Variants in NPM1 observed in about 807,000 individuals in gnomAD.
NPM1 encodes nucleophosmin 1, also known as nucleophosmin.
In NPM1, 1 loss-of-function variant was observed where a neutral mutation model predicts 44.1. That is an observed-to-expected ratio of 0.02 (90% CI 0.01 to 0.11). The LOEUF (loss-of-function observed/expected upper bound fraction) is 0.11, where lower values mean the gene tolerates loss of function less well. Among genes scored for constraint, NPM1 ranks in the 10% least tolerant of loss-of-function variants. NPM1 has a pLI of 1.00. For missense variants in NPM1, 197 were observed against 347.8 expected, an observed-to-expected ratio of 0.57 and a Z score of 3.45; for synonymous variants, 126 against 111.8, an observed-to-expected ratio of 1.13 and a Z score of -0.80.
chr5:171,405,487 T>G (rs1325981690), intron 9 of NPM1, 84 bp downstream of exon 9: 1 of 704,586 alleles, frequency 1.4e-6, no homozygotes, highest in Non-Finnish European at 2.5e-6. Context: ...TGTTTCTTGT[T>G]TTTTTGTTTG....
At chr5:171,397,634 A>ATTCTTTT (rs147219757) in intron 6 of NPM1, among the ~76,000 whole-genome samples, 1 of 152,022 alleles carries the variant, frequency 6.6e-6, no homozygotes, top group African/African-American at 2.4e-5. Context: ...AGTTGTAAGA[A>ATTCTTTT]TTCTTTTTTC....
chr5:171,410,391 C>CA (rs1464304474), intron 10 of NPM1, 136 bp from the exon 11 acceptor site: 1 of 502,526 alleles, frequency 2.0e-6, no homozygotes, highest in African/African-American at 2.0e-5. Context: ...TTCTTGGAGT[C>CA]ATATCTTTAT....
rs947108245 is a variant in NPM1 at position 171,387,888 on chromosome 5, G to T, written c.-61G>T. On this transcript the variant is annotated 5_prime_UTR_variant, in exon 1 of 11. Transcript: ENST00000296930. ...ATTCCGTCCTGCGCGGTTGTTCTCT[G>T]GAGCAGCGTTCTTTTATCTCCGTCC... is the stretch of plus-strand genomic sequence containing the variant. The T allele has an allele frequency of 2.0e-6, 3 of 1,520,554 alleles. No homozygotes were observed. Among genetic ancestry groups the T allele is most frequent in the East Asian group, 2.3e-5 (1 of 44,400 alleles). The allele number at this position is 1,520,554 out of a possible 1,614,324, so 94.2% of individuals were successfully genotyped here.
upstream of NPM1, chr5:171,387,682 T>C (rs1022503431): frequency 8.2e-6 from 4 of 487,418 alleles, no homozygotes; most frequent in Admixed American, 1.2e-4. Flanking sequence ...GCGGAGTACC[T>C]GGAAGGAGGT....
At chr5:171,388,905 C>A (rs963522381) in intron 1 of NPM1, among the ~76,000 whole-genome samples, 1 of 152,184 alleles carries the variant, frequency 6.6e-6, no homozygotes, top group Non-Finnish European at 1.5e-5. Flanking sequence ...AAATCTAAAC[C>A]AAGACGCTTG....
chr5:171,403,652 T>A (rs1581254810), intron 8 of NPM1, among the ~76,000 whole-genome samples: 5 of 114,680 alleles, frequency 4.4e-5, no homozygotes, highest in East Asian at 2.7e-4. Context: ...CCCCCCCACC[T>A]CCCTCCCGGA....
In NPM1 at chr5:171,408,030, T is replaced by C. The variant is rs77227573; in HGVS notation, c.846+256T>C. ...GGTAAATTATTTCTTGGTTATTGAA[T>C]TCAGTTTTACTTTTTTGGTACTATG... On this transcript the variant is annotated intron_variant, in intron 10 of 10. Transcript: ENST00000296930. Among the ~76,000 whole-genome samples the C allele has an allele frequency of 1.7e-4, 26 of 152,336 alleles. No homozygotes were observed. The East Asian group carries it at 4.4e-3, about 26-fold the overall frequency.
intron 8 of NPM1, among the ~76,000 whole-genome samples, chr5:171,403,461 T>C (rs11490744): frequency 0.085 from 9,370 of 109,660 alleles, 634 homozygotes; most frequent in Middle Eastern, 0.19. Flanking sequence ...CCACCTTTCC[T>C]GCCTTTCTAT....
chr5:171,404,051 A>C (rs1581255713), intron 8 of NPM1, among the ~76,000 whole-genome samples: 3 of 42,696 alleles, frequency 7.0e-5, no homozygotes, highest in African/African-American at 1.1e-4. Context: ...GGCAACCCTC[A>C]CCTCCCGGAC....
chr5:171,391,676 G>A lies in NPM1; in HGVS notation c.259-30G>A, dbSNP rs1460212756. 5.7e-6 allele frequency: 8 copies of A among 1,404,202 alleles called. No individual in the cohort carries two copies. The African/African-American group carries it at 1.1e-4, about 20-fold the overall frequency. 87.0% of individuals were successfully genotyped at this position (1,404,202 alleles called of 1,614,324 possible). Reference sequence around the variant, plus strand: ...TGTTTATTGTTCATTTTCTTCACATGTTTAGTGATGAAAAATTTCTCCCTT... The same window carrying A: ...TGTTTATTGTTCATTTTCTTCACATATTTAGTGATGAAAAATTTCTCCCTT... On this transcript the variant is annotated intron_variant, in intron 3 of 10. Transcript: ENST00000296930.
chr5:171,407,977 GTAT>G (rs2113290024), intron 10 of NPM1, among the ~76,000 whole-genome samples: 1 of 152,144 alleles, frequency 6.6e-6, no homozygotes, highest in African/African-American at 2.4e-5. Context: ...GATAACTTTA[GTAT>G]ATTTTTCCCA....
chr5:171,388,497 C>G (rs1229163286), intron 1 of NPM1, among the ~76,000 whole-genome samples: 2 of 150,826 alleles, frequency 1.3e-5, no homozygotes, highest in Admixed American at 6.7e-5. Context: ...CGGACGTAGA[C>G]TTACCTCGCG....
Position 171,410,511 on chromosome 5 carries a change from T to C in NPM1, c.847-16T>C. The C allele has an allele frequency of 7.7e-7, 1 of 1,292,712 alleles. No homozygotes were observed. The allele number at this position is 1,292,712 out of a possible 1,614,324, so 80.1% of individuals were successfully genotyped here. On this transcript the variant is annotated splice_polypyrimidine_tract_variant and intron_variant, in intron 10 of 10. Transcript: ENST00000296930. ...GTTGTGGTTCCTTAACCACATTTCT[T>C]TTTTTTTTTTTCCAGGCTATTCAAG...
At chr5:171,390,278 T>C (rs1770503621) in intron 2 of NPM1, 148 bp downstream of exon 2, 2 of 493,782 alleles carry the variant, frequency 4.1e-6, no homozygotes, top group East Asian at 3.6e-5. Flanking sequence ...CCTCACTGTC[T>C]GTACATCTTT....
rs563383604 is a variant in NPM1 at position 171,398,032 on chromosome 5, C to T, written c.525-2121C>T. ...GGTCTTGAACTCCTGAGGTCAGGCC[C>T]GCCTCGGCCTCCCACAAGTGCTGGG... On this transcript the variant is annotated intron_variant, in intron 6 of 10. Transcript: ENST00000296930. 2.9e-4 allele frequency among the ~76,000 whole-genome samples: 44 copies of T among 152,024 alleles called. 1 individual carries two copies. The highest frequency in any genetic ancestry group is 8.5e-4 in the African/African-American group (35 of 41,328).
intron 10 of NPM1, among the ~76,000 whole-genome samples, chr5:171,409,962 T>C (rs759169411): frequency 3.9e-5 from 6 of 152,098 alleles, no homozygotes; most frequent in Non-Finnish European, 5.9e-5. Context: ...CAAGCCTGGC[T>C]AATTTTTGCA....
Position 171,391,804 on chromosome 5 carries a change from G to A in NPM1, c.352+5G>A, listed in dbSNP as rs377566222. On this transcript the variant is annotated splice_donor_5th_base_variant and intron_variant, in intron 4 of 10. Coordinates refer to ENST00000296930, the MANE Select transcript of NPM1 (RefSeq NM_002520.7). ...TTAGTGGACAGCACTTAGTAGGTAT[G>A]TTATTTTTATATATTATACTACTTA... The A allele has an allele frequency of 7.1e-6, 11 of 1,559,844 alleles. No homozygotes were observed. In the African/African-American group the frequency reaches 1.4e-4, roughly 19 times the overall value.
Position 171,387,892 on chromosome 5 carries a change from C to T in NPM1, c.-57C>T, listed in dbSNP as rs531062299. The T allele has an allele frequency of 2.6e-5, 40 of 1,533,012 alleles. No homozygotes were observed. Among genetic ancestry groups the T allele is most frequent in the South Asian group, 5.6e-5 (5 of 89,198 alleles). 95.0% of individuals were successfully genotyped at this position (1,533,012 alleles called of 1,614,324 possible). On this transcript the variant is annotated 5_prime_UTR_variant, in exon 1 of 11. Transcript: ENST00000296930. ...CGTCCTGCGCGGTTGTTCTCTGGAGCAGCGTTCTTTTATCTCCGTCCGCCT... is the reference window on the plus strand; with the variant it reads ...CGTCCTGCGCGGTTGTTCTCTGGAGTAGCGTTCTTTTATCTCCGTCCGCCT...
intron 1 of NPM1, 21 bp downstream of exon 1, chr5:171,388,027 G>C: frequency 1.3e-6 from 2 of 1,590,574 alleles, no homozygotes; most frequent in Non-Finnish European, 1.7e-6. Flanking sequence ...GGGGGAGCTG[G>C]AGCGAGGCCG....
Sources: gnomAD v4.1 joint callset for allele counts (sites outside exome capture counted in the v4.1 genomes callset) on GRCh38, gnomAD v4.1.1 for gene constraint, MANE v1.5 for transcripts, NCBI Gene and HGNC (gene_info 2026-07-23, HGNC 2026-07-21) for gene names.